The following PERM1 variants were observed in gnomAD, a reference collection of about 807,000 sequenced individuals.
PERM1 encodes PGC-1 and ERR-induced regulator in muscle protein 1.
A neutral mutation model predicts 44.1 loss-of-function variants in PERM1; 45 were observed. That is an observed-to-expected ratio of 1.02 (90% confidence interval 0.80 to 1.31). PERM1 has a LOEUF of 1.31. Ranked by LOEUF, PERM1 falls within the 50% of genes most tolerant of loss-of-function variation. PERM1 has a pLI of 0.00. For synonymous variants in PERM1, 565 were observed against 477.1 expected (o/e 1.18, Z -2.40); for missense variants, 1,189 against 1,106.9 (o/e 1.07, Z -1.05).
At chr1:976,065 G>A (rs1643589991) in exon 3 of PERM1, 1 of 1,128,882 alleles carries the variant, frequency 8.9e-7, no homozygotes. Flanking sequence ...TCCTGGACGC[G>A]GTAGAAGAGA....
At chr1:980,434 G>A in exon 1 of PERM1, 2 of 1,547,090 alleles carry the variant, frequency 1.3e-6, no homozygotes, top group Non-Finnish European at 1.7e-6. Flanking sequence ...GGCAGAAGCA[G>A]AGGCTCCTGT....
In PERM1 at chr1:979,674, G is replaced by A. The variant is rs763972105; in HGVS notation, c.1356C>T (p.Ala452=). ...GAGGCCAGGCGAGGCCAGCGGCGTC[G>A]GCTCTGGGAACAGGTGTAGACACAA... Residue 452 remains alanine (A), a synonymous_variant, in exon 1 of 3, where the codon GCC becomes GCT. Transcript: ENST00000433179. 5.2e-5 allele frequency: 81 copies of A among 1,550,274 alleles called. No homozygotes were observed. In the East Asian group the frequency reaches 7.1e-4, roughly 14 times the overall value.
Position 978,913 on chromosome 1 carries a change from AC to A in PERM1, c.2116del (p.Val706Ter). On this transcript the variant is annotated frameshift_variant, in exon 1 of 3. Transcript: ENST00000433179. LOFTEE classifies it high-confidence loss of function. ...TCTAAGAGCCAGGTGGAGCCGCTCT[AC>A]CACGGCTGGCTTGAGGGGGGTCCCA... 1 of 1,505,200 alleles carries A rather than the reference AC, an allele frequency of 6.6e-7. No individual in the cohort carries two copies. The highest frequency in any genetic ancestry group is 8.9e-7 in the Non-Finnish European group (1 of 1,124,634). 93.2% of individuals were successfully genotyped at this position (1,505,200 alleles called of 1,614,324 possible).
exon 1 of PERM1, chr1:980,604 C>T (rs1643770259): frequency 3.4e-6 from 5 of 1,449,604 alleles, no homozygotes; most frequent in Non-Finnish European, 4.5e-6. Flanking sequence ...CAGGGCCCTG[C>T]AGAAGCCTCT....
exon 1 of PERM1, chr1:980,780 G>C: frequency 1.4e-6 from 2 of 1,401,510 alleles, no homozygotes; most frequent in Non-Finnish European, 1.8e-6. Flanking sequence ...CTGCTGACCG[G>C]CTGCTGTGTG....
chr1:976,575 C>T, exon 2 of PERM1: 1 of 1,549,594 alleles, frequency 6.5e-7, no homozygotes, highest in East Asian at 2.4e-5. Context: ...ACACCAGGCA[C>T]ATGTCATTCT....
At chr1:978,229 C>CGCCCCGGGAACCGCCT (rs1553166725) in intron 1 of PERM1, among the ~76,000 whole-genome samples, 1 of 131,840 alleles carries the variant, frequency 7.6e-6, no homozygotes, top group Non-Finnish European at 1.7e-5. Flanking sequence ...CGCACACGCC[C>CGCCCCGGGAACCGCCT]GCCCCGGGAA....
intron 1 of PERM1, 43 bp downstream of exon 2, chr1:978,838 G>A (rs940382085): frequency 7.0e-7 from 1 of 1,430,886 alleles, no homozygotes; most frequent in African/African-American, 1.4e-5. Context: ...TGGACAGTGT[G>A]TGCCTGGGAT....
chr1:975,967 C>T, exon 3 of PERM1: 1 of 566,524 alleles, frequency 1.8e-6, no homozygotes, highest in South Asian at 2.4e-5. Context: ...CAGACTTTAG[C>T]ACCTCCCTCC....
chr1:980,992 T>C (rs1643781269), exon 1 of PERM1: 5 of 1,511,304 alleles, frequency 3.3e-6, no homozygotes, highest in Non-Finnish European at 3.5e-6. Flanking sequence ...GGCCCAGTCC[T>C]GGTCACTCAG....
chr1:982,026 G>T, upstream of PERM1: 1 of 1,286,188 alleles, frequency 7.8e-7, no homozygotes, highest in Non-Finnish European at 1.0e-6. Flanking sequence ...TACCATTGGG[G>T]CCCCTTGGGT....
intron 2 of PERM1, 69 bp downstream of exon 3, chr1:976,430 C>T (rs1297691995): frequency 2.6e-6 from 4 of 1,547,334 alleles, no homozygotes; most frequent in African/African-American, 1.4e-5. Flanking sequence ...CCCCGTGCAC[C>T]CCTCGTCCTG....
exon 1 of PERM1, chr1:979,128 C>A (rs575660840): frequency 6.5e-6 from 10 of 1,549,990 alleles, no homozygotes; most frequent in Admixed American, 2.0e-5. Context: ...GGAGCGGCTC[C>A]GGGGACCCCC....
exon 3 of PERM1, chr1:975,926 T>TA (rs1643584245): frequency 1.9e-6 from 1 of 518,310 alleles, no homozygotes; most frequent in African/African-American, 2.0e-5. Flanking sequence ...GCCACCCTCC[T>TA]ACCCAGCCAC....
exon 1 of PERM1, chr1:979,129 G>A (rs937152501): frequency 4.8e-5 from 74 of 1,549,898 alleles, no homozygotes; most frequent in Non-Finnish European, 6.0e-5. Flanking sequence ...GAGCGGCTCC[G>A]GGGACCCCCG....
At chr1:979,123 G>A (rs113247740) in exon 1 of PERM1, 52 of 1,549,962 alleles carry the variant, frequency 3.4e-5, no homozygotes, top group Middle Eastern at 1.7e-4. Context: ...TCTCGGGAGC[G>A]GCTCCGGGGA....
chr1:979,516 C>T (rs752170266), exon 1 of PERM1: 14 of 1,549,938 alleles, frequency 9.0e-6, no homozygotes, highest in South Asian at 5.9e-5. Context: ...CACGGAGAAG[C>T]GCACTTTCTT....
At chr1:979,829 C>T (rs1231472046) in exon 1 of PERM1, 3 of 1,549,702 alleles carry the variant, frequency 1.9e-6, no homozygotes, top group East Asian at 2.4e-5. Flanking sequence ...GGTGTGGACA[C>T]AGCCACGTCC....
chr1:980,707 C>G lies in PERM1; in HGVS notation c.323G>C (p.Arg108Pro), dbSNP rs983680554. 8.5e-6 allele frequency: 12 copies of G among 1,419,858 alleles called. No homozygotes were observed. In the African/African-American group the frequency reaches 1.3e-4, roughly 15 times the overall value. 88.0% of individuals were successfully genotyped at this position (1,419,858 alleles called of 1,614,324 possible). A position where few individuals can be genotyped will look rare whatever the true frequency, so the allele number is the denominator to read the frequency against. The change falls in exon 1 of 3, where the codon CGG becomes CCG. Residue 108 changes from arginine (R) to proline (P), a missense_variant. Physicochemically the swap from Arg to Pro is moderately radical, Grantham distance 103 (BLOSUM62 -2). Around this residue, in one of 3 missense-constraint regions of PERM1, gnomAD observed 274 missense variants for 317.9 expected, o/e 0.86. Coordinates refer to ENST00000433179, the Ensembl canonical transcript of PERM1. ...GCCGAGGGACGGTGGAGCTTCTGCCCGTGCGGACGTGCTGGGTGTCTGCTG... is the reference window on the plus strand; with the variant it reads ...GCCGAGGGACGGTGGAGCTTCTGCCGGTGCGGACGTGCTGGGTGTCTGCTG...
Sources: gnomAD v4.1 joint callset for allele counts (sites outside exome capture counted in the v4.1 genomes callset) on GRCh38, gnomAD v4.1.1 for gene constraint, gnomAD v4.1.1 regional missense constraint, MANE v1.5 for transcripts, NCBI Gene and HGNC (gene_info 2026-07-23, HGNC 2026-07-21) for gene names.